Variants in KIF16B observed in about 807,000 individuals in gnomAD.
KIF16B encodes kinesin-like protein KIF16B.
KIF16B carries 98 observed loss-of-function variants against 156.3 expected under a neutral mutation model. The ratio of observed to expected loss-of-function variants is 0.63; its 90% CI spans 0.53 to 0.74. The LOEUF (loss-of-function observed/expected upper bound fraction) is 0.74, where lower values mean the gene tolerates loss of function less well. Ranked by LOEUF, KIF16B falls within the 30% of genes least tolerant of loss-of-function variation. The probability of loss-of-function intolerance (pLI) is 0.00; values close to 1 mark genes in which losing one functional copy is unlikely to be tolerated. For missense variants in KIF16B, 1,421 were observed against 1,606.5 expected (o/e 0.88, Z 1.97); for synonymous variants, 564 against 583.7 (o/e 0.97, Z 0.49).
At chr20:16,405,786 TTAGCTG>T (rs1472908051) in intron 16 of KIF16B, among the ~76,000 whole-genome samples, 1 of 152,178 alleles carries the variant, frequency 6.6e-6, no homozygotes. Flanking sequence ...CGTAGAAATG[TTAGCTG>T]TAGCCTTTAT....
Position 16,379,451 on chromosome 20 carries a change from T to G in KIF16B, c.2551A>C (p.Lys851Gln). The G allele has an allele frequency of 6.2e-7, 1 of 1,613,820 alleles. No individual in the cohort carries two copies. The highest frequency in any genetic ancestry group is 1.1e-5 in the South Asian group (1 of 91,070). ...KDLVQQKDIL[K>Q]KEVQEEQEIL... ...TCCTGTTCTTCTTGGACTTCTTTTT[T>G]CAGGATGTCTTTCTGCTGAACCAGG... The change falls in exon 19 of 26, where the codon AAA (lysine) becomes CAA (glutamine). Residue 851 changes from lysine (K) to glutamine (Q), a missense_variant. By Grantham distance (53) the Lys-to-Gln change is moderately conservative. Coordinates refer to ENST00000354981, the MANE Select transcript of KIF16B (RefSeq NM_024704.5).
At chr20:16,516,492 A>G (rs1467639154) in intron 3 of KIF16B, among the ~76,000 whole-genome samples, 1 of 152,206 alleles carries the variant, frequency 6.6e-6, no homozygotes, top group East Asian at 1.9e-4. Context: ...TCAGCCCAGC[A>G]CACTAAGGGC....
intron 10 of KIF16B, among the ~76,000 whole-genome samples, chr20:16,498,803 GTTT>G (rs1234660392): frequency 8.0e-6 from 1 of 124,700 alleles, no homozygotes; most frequent in Non-Finnish European, 1.9e-5. Flanking sequence ...TATACGTATG[GTTT>G]TTATTTTTTA....
intron 14 of KIF16B, 75 bp downstream of exon 14, chr20:16,428,875 TCAG>T: frequency 8.8e-7 from 1 of 1,135,768 alleles, no homozygotes; most frequent in Non-Finnish European, 1.3e-6. Flanking sequence ...TACTTCAATG[TCAG>T]TCATTCGAAA....
rs1010163864 is a variant in KIF16B at position 16,356,371 on chromosome 20, A to G, written c.3580T>C (p.Cys1194Arg). 6.2e-7 allele frequency: 1 copy of G among 1,614,190 alleles called. No individual in the cohort carries two copies. The change falls in exon 23 of 26, where the codon TGC (cysteine) becomes CGC (arginine). Residue 1194 changes from cysteine (C) to arginine (R), a missense_variant. By Grantham distance (180) the Cys-to-Arg change is radical. Transcript: ENST00000354981. ...IKISIPRYVLCGQGKDAHFEF... is the reference protein window; with the variant it reads ...IKISIPRYVLRGQGKDAHFEF... ...AAGTGTGCATCCTTTCCTTGCCCGC[A>G]GAGGACGTAGCGTGGGATACTAATT...
At chr20:16,544,580 C>A (rs1187802205) in intron 1 of KIF16B, among the ~76,000 whole-genome samples, 1 of 115,350 alleles carries the variant, frequency 8.7e-6, no homozygotes, top group Non-Finnish European at 1.6e-5. Context: ...GCACTCCAGC[C>A]TGGGTGACAA....
chr20:16,342,998 T>A (rs2064167090), intron 23 of KIF16B, among the ~76,000 whole-genome samples: 2 of 152,002 alleles, frequency 1.3e-5, no homozygotes, highest in Admixed American at 1.3e-4. Context: ...TGTCCCAAAT[T>A]AAAATTGGGC....
At chr20:16,296,784 G>A (rs2063393396) in intron 25 of KIF16B, among the ~76,000 whole-genome samples, 1 of 152,330 alleles carries the variant, frequency 6.6e-6, no homozygotes, top group African/African-American at 2.4e-5. Context: ...AGATTGGCTG[G>A]GCCATGGTGT....
At chr20:16,370,718 T>A in intron 21 of KIF16B, 82 bp from the exon 22 acceptor site, 1 of 1,006,598 alleles carries the variant, frequency 9.9e-7, no homozygotes, top group African/African-American at 1.7e-5. Flanking sequence ...CAAGTATTTA[T>A]GGGAATGGAA....
chr20:16,437,181 T>C (rs531436985), intron 12 of KIF16B, among the ~76,000 whole-genome samples: 4 of 152,296 alleles, frequency 2.6e-5, no homozygotes, highest in African/African-American at 9.6e-5. Flanking sequence ...AGAACCATCA[T>C]AGGTCTAACA....
chr20:16,302,079 C>A (rs1178559640), intron 25 of KIF16B, among the ~76,000 whole-genome samples: 1 of 152,170 alleles, frequency 6.6e-6, no homozygotes, highest in Non-Finnish European at 1.5e-5. Context: ...TCTGTAGATT[C>A]CCTTCTCATC....
At chr20:16,478,015 C>T (rs915852718) in intron 12 of KIF16B, among the ~76,000 whole-genome samples, 3 of 152,104 alleles carry the variant, frequency 2.0e-5, no homozygotes, top group African/African-American at 7.2e-5. Flanking sequence ...TGGGCATCTG[C>T]GACAAGTGGT....
chr20:16,395,768 A>C (rs149825086), intron 17 of KIF16B, among the ~76,000 whole-genome samples: 1 of 152,212 alleles, frequency 6.6e-6, no homozygotes, highest in Non-Finnish European at 1.5e-5. Flanking sequence ...GGGCCTGTGA[A>C]TACAGCCTAG....
intron 12 of KIF16B, among the ~76,000 whole-genome samples, chr20:16,449,376 T>C (rs960042549): frequency 6.6e-6 from 1 of 152,214 alleles, no homozygotes; most frequent in African/African-American, 2.4e-5. Context: ...GAATGTCCCT[T>C]GGCAATACTG....
In KIF16B at chr20:16,427,267, G is replaced by T. The variant is rs185088610; in HGVS notation, c.1475-26C>A. Reference sequence around the variant, plus strand: ...CTAAAGTGGAAAAACAAAGTAGAAAGAATTTTTCCCCCTTTTCTACTGCAA... The same window carrying T: ...CTAAAGTGGAAAAACAAAGTAGAAATAATTTTTCCCCCTTTTCTACTGCAA... On this transcript the variant is annotated intron_variant, in intron 14 of 25. Coordinates refer to ENST00000354981, the MANE Select transcript of KIF16B (RefSeq NM_024704.5). 68 of 1,592,432 alleles carry T rather than the reference G, an allele frequency of 4.3e-5. No individual in the cohort carries two copies. In the East Asian group the frequency reaches 1.3e-3, roughly 30 times the overall value.
In KIF16B at chr20:16,431,603, C is replaced by A. The variant is rs553695313; in HGVS notation, c.1303-1621G>T. On this transcript the variant is annotated intron_variant, in intron 12 of 25. Coordinates refer to ENST00000354981, the MANE Select transcript of KIF16B (RefSeq NM_024704.5). ...AGTTGTCACTTCAGACCAGGTAATT[C>A]TTTATTCTTATGCACAGTAGGATAT... Among the ~76,000 whole-genome samples the A allele has an allele frequency of 4.6e-5, 7 of 152,194 alleles. No individual in the cohort carries two copies. In the East Asian group the frequency reaches 7.7e-4, roughly 17 times the overall value.
At chr20:16,416,276 A>G (rs946890505) in intron 15 of KIF16B, among the ~76,000 whole-genome samples, 2 of 152,130 alleles carry the variant, frequency 1.3e-5, no homozygotes, top group African/African-American at 4.8e-5. Flanking sequence ...CTTCATAAAA[A>G]TCTTTGCCCA....
intron 12 of KIF16B, among the ~76,000 whole-genome samples, chr20:16,446,643 T>C (rs542479696): frequency 2.6e-5 from 4 of 152,264 alleles, no homozygotes; most frequent in African/African-American, 7.2e-5. Context: ...AATTCAAAAA[T>C]ATATATATGA....
chr20:16,564,441 T>C (rs2071178111), intron 1 of KIF16B, among the ~76,000 whole-genome samples: 1 of 151,848 alleles, frequency 6.6e-6, no homozygotes, highest in Non-Finnish European at 1.5e-5. Flanking sequence ...ATGTTCTCAC[T>C]CATAGGTGGG....
Sources: gnomAD v4.1 joint callset for allele counts (sites outside exome capture counted in the v4.1 genomes callset) on GRCh38, gnomAD v4.1.1 for gene constraint, MANE v1.5 for transcripts, NCBI Gene and HGNC (gene_info 2026-07-23, HGNC 2026-07-21) for gene names.